The following SAMD4A variants were observed in gnomAD, a reference collection of about 807,000 sequenced individuals.
SAMD4A encodes protein Smaug homolog 1.
A neutral mutation model predicts 81.3 loss-of-function variants in SAMD4A; 33 were observed. The ratio of observed to expected loss-of-function variants is 0.41; its 90% CI spans 0.31 to 0.54. The LOEUF is 0.54. SAMD4A is among the 20% of genes least tolerant of loss of function. The probability of loss-of-function intolerance (pLI) is 0.37; values close to 1 mark genes in which losing one functional copy is unlikely to be tolerated. For synonymous variants in SAMD4A, 389 were observed against 382.1 expected, an observed-to-expected ratio of 1.02 and a Z score of -0.21; for missense variants, 854 against 951.1, an observed-to-expected ratio of 0.90 and a Z score of 1.34.
At chr14:54,626,663 G>A (rs1205415293) in intron 2 of SAMD4A, among the ~76,000 whole-genome samples, 1 of 152,036 alleles carries the variant, frequency 6.6e-6, no homozygotes, top group African/African-American at 2.4e-5. Flanking sequence ...GTTTCCAGTT[G>A]CGTTTGTTTT....
chr14:54,716,470 C>T (rs566525587), intron 3 of SAMD4A, among the ~76,000 whole-genome samples: 1 of 152,262 alleles, frequency 6.6e-6, no homozygotes, highest in Admixed American at 6.5e-5. Context: ...ACACATATTA[C>T]AGAGGTGTCT....
At chr14:54,602,818 CCTT>C (rs2034095858) in intron 2 of SAMD4A, among the ~76,000 whole-genome samples, 1 of 151,886 alleles carries the variant, frequency 6.6e-6, no homozygotes, top group Non-Finnish European at 1.5e-5. Context: ...AAGACATTCG[CCTT>C]CTTACATTCT....
At position 54,648,358 on chromosome 14, in the gene SAMD4A, T is replaced by A. The variant is rs573085640; in HGVS notation, c.197-53704T>A. 4.3e-4 allele frequency among the ~76,000 whole-genome samples: 65 copies of A among 152,264 alleles called. 1 individual carries two copies. The highest frequency in any genetic ancestry group is 1.5e-3 in the African/African-American group (62 of 41,544). On this transcript the variant is annotated intron_variant, in intron 2 of 12. Transcript: ENST00000554335. Reference sequence around the variant, plus strand: ...CGGGAGGATTTGGCAGCCAACTTATTGTGGGTTGAAGTACAGTGAAGGTTG... The same window carrying A: ...CGGGAGGATTTGGCAGCCAACTTATAGTGGGTTGAAGTACAGTGAAGGTTG...
chr14:54,649,278 G>C (rs573841279), intron 2 of SAMD4A, among the ~76,000 whole-genome samples: 1 of 152,226 alleles, frequency 6.6e-6, no homozygotes, highest in Admixed American at 6.5e-5. Context: ...GGAGCCAGAA[G>C]AGGAAGAGAA....
At chr14:54,607,298 G>A (rs2034234062) in intron 2 of SAMD4A, among the ~76,000 whole-genome samples, 1 of 152,122 alleles carries the variant, frequency 6.6e-6, no homozygotes, top group South Asian at 2.1e-4. Flanking sequence ...TTTAAAATGG[G>A]AATTAAGGCT....
At chr14:54,669,571 GC>G (rs778895999) in intron 2 of SAMD4A, among the ~76,000 whole-genome samples, 15 of 149,202 alleles carry the variant, frequency 1.0e-4, no homozygotes, top group Non-Finnish European at 2.1e-4. Context: ...CAGTCCTCCT[GC>G]CTCAGCCTCC....
At chr14:54,616,535 C>T (rs2034496688) in intron 2 of SAMD4A, among the ~76,000 whole-genome samples, 1 of 152,186 alleles carries the variant, frequency 6.6e-6, no homozygotes, top group Non-Finnish European at 1.5e-5. Context: ...AAGGCTCCCT[C>T]CTGGTTGAGG....
At chr14:54,751,396 C>A in intron 5 of SAMD4A, 55 bp from the exon 6 acceptor site, 2 of 1,193,352 alleles carry the variant, frequency 1.7e-6, no homozygotes, top group Non-Finnish European at 1.2e-6. Context: ...TAAGCTGATT[C>A]TTAAAAATAT....
chr14:54,632,751 G>A (rs2034932899), intron 2 of SAMD4A, among the ~76,000 whole-genome samples: 2 of 152,112 alleles, frequency 1.3e-5, no homozygotes, highest in Non-Finnish European at 2.9e-5. Flanking sequence ...CCACTTATTA[G>A]CTATGCATCT....
At chr14:54,748,773 C>T in intron 4 of SAMD4A, 42 bp from the exon 5 acceptor site, 4 of 1,316,728 alleles carry the variant, frequency 3.0e-6, no homozygotes, top group South Asian at 1.3e-5. Flanking sequence ...TTCTCATTCC[C>T]TCTCATTTCT....
At chr14:54,681,914 T>C in intron 2 of SAMD4A, 1 of 985,408 alleles carries the variant, frequency 1.0e-6, no homozygotes, top group Middle Eastern at 5.2e-4. Flanking sequence ...GATTTATGAC[T>C]GCCGCAATAT....
rs1179186407 is a variant in SAMD4A, at chr14:54,706,192, G to GA, written c.715+3620dup. 4.4e-5 allele frequency among the ~76,000 whole-genome samples: 6 copies of GA among 134,858 alleles called. No homozygotes were observed. The East Asian group carries it at 6.8e-4, about 15-fold the overall frequency. 88.5% of individuals were successfully genotyped at this position (134,858 alleles called of 152,430 possible). ...GCTAGACCCCATCTCTTCAAAAAAA[G>GA]AAAAAAAATTAGTCTGATGAGGTGG... On this transcript the variant is annotated intron_variant, in intron 3 of 12. Coordinates refer to ENST00000554335, the MANE Select transcript of SAMD4A (RefSeq NM_015589.6).
At chr14:54,579,165 G>A (rs1056474142) in intron 2 of SAMD4A, among the ~76,000 whole-genome samples, 2 of 152,180 alleles carry the variant, frequency 1.3e-5, no homozygotes, top group Admixed American at 6.5e-5. Context: ...ACTATCTCCT[G>A]TTATTGAATG....
At chr14:54,582,835 T>C (rs902745280) in intron 2 of SAMD4A, among the ~76,000 whole-genome samples, 7 of 152,238 alleles carry the variant, frequency 4.6e-5, no homozygotes, top group Non-Finnish European at 7.3e-5. Flanking sequence ...CTGCAGCTTA[T>C]TCTCAAATGT....
At chr14:54,739,057 T>TTTTTC (rs2037779026) in intron 4 of SAMD4A, among the ~76,000 whole-genome samples, 1 of 142,988 alleles carries the variant, frequency 7.0e-6, no homozygotes, top group African/African-American at 2.6e-5. Context: ...TTCCTTTTCT[T>TTTTTC]TTTTTTTTTT....
intron 3 of SAMD4A, among the ~76,000 whole-genome samples, chr14:54,713,184 A>G (rs1183234200): frequency 1.3e-5 from 2 of 152,086 alleles, no homozygotes; most frequent in East Asian, 3.8e-4. Context: ...GCTTACACAT[A>G]TCTTTGATAT....
At chr14:54,741,434 G>A (rs2037840970) in intron 4 of SAMD4A, among the ~76,000 whole-genome samples, 1 of 152,202 alleles carries the variant, frequency 6.6e-6, no homozygotes, top group African/African-American at 2.4e-5. Context: ...TGCATTATAT[G>A]GGAGGAAAGA....
chr14:54,621,854 T>A (rs901724337), intron 2 of SAMD4A, among the ~76,000 whole-genome samples: 5 of 152,192 alleles, frequency 3.3e-5, no homozygotes, highest in African/African-American at 4.8e-5. Flanking sequence ...TCAACTAGAC[T>A]CATATCTGTT....
At chr14:54,726,081 A>T (rs1424274838) in intron 3 of SAMD4A, among the ~76,000 whole-genome samples, 1 of 152,024 alleles carries the variant, frequency 6.6e-6, no homozygotes, top group African/African-American at 2.4e-5. Flanking sequence ...CTGTCCATGG[A>T]TCTAGAATGC....
Sources: gnomAD v4.1 joint callset for allele counts (sites outside exome capture counted in the v4.1 genomes callset) on GRCh38, gnomAD v4.1.1 for gene constraint, MANE v1.5 for transcripts, NCBI Gene and HGNC (gene_info 2026-07-23, HGNC 2026-07-21) for gene names.